RAB2A: variants seen among roughly 807,000 people sequenced by gnomAD.
RAB2A encodes ras-related protein Rab-2A.
A neutral mutation model predicts 32.5 loss-of-function variants in RAB2A; 7 were observed. The observed-to-expected ratio is 0.22, with a 90% confidence interval of 0.12 to 0.40. The LOEUF is 0.40. Ranked by LOEUF, RAB2A falls within the 10% of genes least tolerant of loss-of-function variation. The pLI, the probability that RAB2A is intolerant of heterozygous loss-of-function variation, is 1.00. For missense variants in RAB2A, 108 were observed against 260.7 expected (o/e 0.41, Z 4.03); for synonymous variants, 79 against 85.2 (o/e 0.93, Z 0.40).
chr8:60,548,718 G>A (rs1181743555), intron 1 of RAB2A, among the ~76,000 whole-genome samples: 6 of 134,740 alleles, frequency 4.5e-5, no homozygotes, highest in African/African-American at 5.9e-5. Context: ...AGGGGCAGCC[G>A]GGCAGAGGCA....
At chr8:60,556,589 C>G (rs1807942104) in intron 1 of RAB2A, among the ~76,000 whole-genome samples, 1 of 143,396 alleles carries the variant, frequency 7.0e-6, no homozygotes, top group Admixed American at 7.2e-5. Flanking sequence ...CTCTTGAGCT[C>G]AAGAGTTTTT....
intron 3 of RAB2A, among the ~76,000 whole-genome samples, chr8:60,583,281 G>A (rs749810398): frequency 9.2e-5 from 14 of 152,092 alleles, no homozygotes; most frequent in Non-Finnish European, 2.1e-4. Flanking sequence ...TAATTAAAAT[G>A]CTTATGTTTT....
chr8:60,546,904 T>A (rs1236633219), intron 1 of RAB2A, among the ~76,000 whole-genome samples: 1 of 114,502 alleles, frequency 8.7e-6, no homozygotes, highest in Non-Finnish European at 2.0e-5. Flanking sequence ...TTTTTTTTTT[T>A]TTTTTTTTTT....
intron 6 of RAB2A, among the ~76,000 whole-genome samples, chr8:60,597,679 A>G (rs1255309991): frequency 1.3e-5 from 2 of 152,210 alleles, no homozygotes; most frequent in Non-Finnish European, 2.9e-5. Flanking sequence ...AACCCAAAAT[A>G]AATAGAAAGG....
At chr8:60,585,320 TTG>T (rs1228959088) in intron 5 of RAB2A, among the ~76,000 whole-genome samples, 1 of 137,402 alleles carries the variant, frequency 7.3e-6, no homozygotes, top group Non-Finnish European at 1.6e-5. Flanking sequence ...TTGTTTTGTT[TTG>T]TTTTGTTTGA....
intron 6 of RAB2A, among the ~76,000 whole-genome samples, chr8:60,606,066 T>C (rs571721272): frequency 1.4e-4 from 22 of 152,050 alleles, no homozygotes; most frequent in Non-Finnish European, 2.6e-4. Context: ...GGAGAATTAC[T>C]TGAATCAGGG....
At chr8:60,587,119 A>G (rs1408138720) in intron 5 of RAB2A, among the ~76,000 whole-genome samples, 5 of 152,160 alleles carry the variant, frequency 3.3e-5, no homozygotes, top group African/African-American at 4.8e-5. Context: ...TACAAATTTT[A>G]AGATTTATTA....
Position 60,605,830 on chromosome 8 carries a change from TAC to T in RAB2A, c.475-12748_475-12747del, listed in dbSNP as rs201921772. Among the ~76,000 whole-genome samples, 785 of 136,348 alleles carry T rather than the reference TAC, an allele frequency of 5.8e-3. 33 individuals are homozygous for T. The highest frequency in any genetic ancestry group is 0.023 in the African/African-American group (699 of 30,100). 89.4% of individuals were successfully genotyped at this position (136,348 alleles called of 152,430 possible). A position where few individuals can be genotyped will look rare whatever the true frequency, so the allele number is the denominator to read the frequency against. On this transcript the variant is annotated intron_variant, in intron 6 of 7. Coordinates refer to ENST00000262646, the MANE Select transcript of RAB2A (RefSeq NM_002865.3). ...CAGGCTCATAGGCAAAAGGGACTAA[TAC>T]ATATATACATATATATATATAATGC...
chr8:60,526,055 A>ATATATATATATG (rs1554550797), intron 1 of RAB2A, among the ~76,000 whole-genome samples: 2 of 100,074 alleles, frequency 2.0e-5, no homozygotes, highest in Non-Finnish European at 4.2e-5. Flanking sequence ...ATATATATAT[A>ATATATATATATG]TAAGTTTTCT....
chr8:60,535,377 A>G (rs1807542142), intron 1 of RAB2A, among the ~76,000 whole-genome samples: 1 of 152,120 alleles, frequency 6.6e-6, no homozygotes, highest in Admixed American at 6.6e-5. Context: ...CCTTCCAGAA[A>G]TTTTCTGTAC....
intron 1 of RAB2A, among the ~76,000 whole-genome samples, chr8:60,525,374 A>C (rs1464367207): frequency 1.3e-5 from 2 of 152,150 alleles, no homozygotes; most frequent in Non-Finnish European, 2.9e-5. Context: ...AAGTTTTCTG[A>C]GGCCTCCCCA....
intron 1 of RAB2A, among the ~76,000 whole-genome samples, chr8:60,527,958 T>A (rs7015992): frequency 2.0e-5 from 3 of 152,200 alleles, no homozygotes; most frequent in African/African-American, 7.2e-5. Context: ...TCACATACAG[T>A]CTTTTTGTAT....
intron 1 of RAB2A, among the ~76,000 whole-genome samples, chr8:60,544,104 A>T (rs1282997248): frequency 6.8e-6 from 1 of 147,826 alleles, no homozygotes; most frequent in African/African-American, 2.6e-5. Flanking sequence ...AGATATTTTC[A>T]ATTCTTTTTT....
chr8:60,536,985 G>A (rs1807567030), intron 1 of RAB2A, among the ~76,000 whole-genome samples: 1 of 152,118 alleles, frequency 6.6e-6, no homozygotes, highest in African/African-American at 2.4e-5. Flanking sequence ...GAGAATAGAA[G>A]TGTTCCAGAT....
Position 60,517,088 on chromosome 8 carries a change from C to T in RAB2A, c.-120C>T. 9.3e-7 allele frequency: 1 copy of T among 1,075,528 alleles called. No homozygotes were observed. The highest frequency in any genetic ancestry group is 1.3e-6 in the Non-Finnish European group (1 of 788,688). The allele number at this position is 1,075,528 out of a possible 1,614,324, so 66.6% of individuals were successfully genotyped here. Reference sequence around the variant, plus strand: ...CCTCACTCCCGGCGGCTGACAGCAGCAGCGGCGGCGGCGGGCGGCGCCTGG... The same window carrying T: ...CCTCACTCCCGGCGGCTGACAGCAGTAGCGGCGGCGGCGGGCGGCGCCTGG... On this transcript the variant is annotated 5_prime_UTR_variant, in exon 1 of 8. Transcript: ENST00000262646.
intron 1 of RAB2A, among the ~76,000 whole-genome samples, chr8:60,558,047 T>C (rs1261868894): frequency 6.6e-6 from 1 of 152,238 alleles, no homozygotes; most frequent in Non-Finnish European, 1.5e-5. Flanking sequence ...TTTCAAGTCC[T>C]AGTGCAGTGA....
rs1041120803 is a variant in RAB2A, at chr8:60,623,254, T to A, written c.*2485T>A. On this transcript the variant is annotated 3_prime_UTR_variant, in exon 8 of 8. Transcript: ENST00000262646. ...TATACAACTGCATACAATTTGTTTT[T>A]AATGATATTTTAAAATAGCCTGTTA... 6.6e-6 allele frequency: 1 copy of A among 152,248 alleles called. No individual in the cohort carries two copies. The highest frequency in any genetic ancestry group is 2.4e-5 in the African/African-American group (1 of 41,474). The allele number at this position is 152,248 out of a possible 1,614,324, so 9.4% of individuals were successfully genotyped here.
chr8:60,602,967 TGGAG>T (rs1001783337), intron 6 of RAB2A, among the ~76,000 whole-genome samples: 1 of 152,318 alleles, frequency 6.6e-6, no homozygotes, highest in South Asian at 2.1e-4. Context: ...GCTTGCTCTC[TGGAG>T]GACTCTCTTC....
chr8:60,567,308 G>T (rs1225446026), intron 2 of RAB2A, among the ~76,000 whole-genome samples: 1 of 151,974 alleles, frequency 6.6e-6, no homozygotes, highest in Non-Finnish European at 1.5e-5. Flanking sequence ...TAGAGACAGG[G>T]TTTTACCATG....
Sources: gnomAD v4.1 joint callset for allele counts (sites outside exome capture counted in the v4.1 genomes callset) on GRCh38, gnomAD v4.1.1 for gene constraint, MANE v1.5 for transcripts, NCBI Gene and HGNC (gene_info 2026-07-23, HGNC 2026-07-21) for gene names.